Variants in PDE4D observed in about 807,000 individuals in gnomAD.
PDE4D encodes the protein 3',5'-cyclic-AMP phosphodiesterase 4D.
A neutral mutation model predicts 87.4 loss-of-function variants in PDE4D; 24 were observed. The observed-to-expected ratio is 0.27, with a 90% CI of 0.20 to 0.39. The LOEUF is 0.39. Ranked by LOEUF, PDE4D falls within the 10% of genes least tolerant of loss-of-function variation. The probability of loss-of-function intolerance (pLI) is 1.00; values close to 1 mark genes in which losing one functional copy is unlikely to be tolerated. For synonymous variants in PDE4D, 384 were observed against 383.2 expected, an observed-to-expected ratio of 1.00 and a Z score of -0.02; for missense variants, 714 against 1,041.0, an observed-to-expected ratio of 0.69 and a Z score of 4.32.
At chr5:59,549,299 G>A (rs953409240) in intron 1 of PDE4D, among the ~76,000 whole-genome samples, 1 of 152,146 alleles carries the variant, frequency 6.6e-6, no homozygotes, top group Non-Finnish European at 1.5e-5. Context: ...AACTGAGTGT[G>A]TTTTTCATTC....
chr5:60,330,944 T>A (rs1757264670), intron 1 of PDE4D, among the ~76,000 whole-genome samples: 1 of 152,128 alleles, frequency 6.6e-6, no homozygotes, highest in Non-Finnish European at 1.5e-5. Context: ...GACATGAAAT[T>A]CCTCACCTAC....
intron 2 of PDE4D, among the ~76,000 whole-genome samples, chr5:60,015,684 A>G (rs1467544052): frequency 6.6e-6 from 1 of 152,186 alleles, no homozygotes; most frequent in Non-Finnish European, 1.5e-5. Flanking sequence ...AGTACCCTCC[A>G]TAATGTGGAT....
intron 2 of PDE4D, among the ~76,000 whole-genome samples, chr5:60,037,239 T>C (rs569725566): frequency 2.0e-5 from 3 of 152,190 alleles, no homozygotes; most frequent in Admixed American, 6.5e-5. Context: ...CAATACAATA[T>C]GTTAAAATGC....
intron 2 of PDE4D, among the ~76,000 whole-genome samples, chr5:60,157,875 TCCTTTC>T (rs1782122636): frequency 6.8e-6 from 1 of 147,798 alleles, no homozygotes; most frequent in Non-Finnish European, 1.5e-5. Flanking sequence ...TTTTTTCTTT[TCCTTTC>T]CCTTTCTTTC....
intron 1 of PDE4D, among the ~76,000 whole-genome samples, chr5:59,816,989 G>A (rs1769047017): frequency 6.6e-6 from 1 of 152,192 alleles, no homozygotes. Context: ...GTGGAGGGCA[G>A]TGTCCTCTCA....
intron 2 of PDE4D, among the ~76,000 whole-genome samples, chr5:60,010,557 C>T (rs1043310487): frequency 4.6e-5 from 7 of 152,132 alleles, no homozygotes; most frequent in African/African-American, 1.7e-4. Flanking sequence ...CACATGACAT[C>T]TGTGTACCCC....
chr5:59,089,922 A>G (rs1460882448), intron 5 of PDE4D, among the ~76,000 whole-genome samples: 2 of 152,126 alleles, frequency 1.3e-5, no homozygotes, highest in African/African-American at 4.8e-5. Flanking sequence ...GAGAGGAAAC[A>G]CTAGCACTAA....
At chr5:59,984,795 A>G (rs991256123) in intron 3 of PDE4D, among the ~76,000 whole-genome samples, 7 of 152,148 alleles carry the variant, frequency 4.6e-5, no homozygotes, top group Admixed American at 1.3e-4. Context: ...CCACTGCCTG[A>G]CACTTGACAA....
intron 1 of PDE4D, among the ~76,000 whole-genome samples, chr5:59,313,764 A>G (rs1003159973): frequency 6.6e-6 from 1 of 152,152 alleles, no homozygotes; most frequent in African/African-American, 2.4e-5. Context: ...CAACTTGTGT[A>G]CCCACCCAGG....
intron 1 of PDE4D, among the ~76,000 whole-genome samples, chr5:59,294,749 T>C (rs1768730227): frequency 6.6e-6 from 1 of 152,226 alleles, no homozygotes; most frequent in Admixed American, 6.5e-5. Context: ...ATTAGGATTC[T>C]GGAATGAATA....
chr5:60,220,488 A>G (rs1744373172), intron 1 of PDE4D, among the ~76,000 whole-genome samples: 1 of 152,142 alleles, frequency 6.6e-6, no homozygotes, highest in Non-Finnish European at 1.5e-5. Context: ...TTCTTCACCC[A>G]ACTATCCTGA....
At chr5:60,183,073 G>A (rs1190747452) in intron 2 of PDE4D, among the ~76,000 whole-genome samples, 2 of 152,090 alleles carry the variant, frequency 1.3e-5, no homozygotes, top group Non-Finnish European at 2.9e-5. Flanking sequence ...AAAAGAAGCA[G>A]CAGCAGAGAT....
intron 1 of PDE4D, among the ~76,000 whole-genome samples, chr5:59,232,418 T>C (rs1008949211): frequency 6.6e-6 from 1 of 151,184 alleles, no homozygotes; most frequent in African/African-American, 2.4e-5. Flanking sequence ...CCAACAGGTA[T>C]GTAAAAAGTA....
At chr5:60,227,888 T>C (rs940969485) in intron 1 of PDE4D, among the ~76,000 whole-genome samples, 2 of 152,084 alleles carry the variant, frequency 1.3e-5, no homozygotes, top group East Asian at 3.9e-4. Flanking sequence ...CTGGCTCCCA[T>C]TTTTTCATTG....
chr5:60,425,894 A>T (rs571017486), intron 1 of PDE4D, among the ~76,000 whole-genome samples: 1 of 152,364 alleles, frequency 6.6e-6, no homozygotes, highest in East Asian at 1.9e-4. Flanking sequence ...GACACTTCTC[A>T]AAAGAAGACA....
chr5:59,159,388 C>T (rs1268158425), intron 5 of PDE4D, among the ~76,000 whole-genome samples: 3 of 152,122 alleles, frequency 2.0e-5, no homozygotes, highest in Admixed American at 2.0e-4. Context: ...CTGCCTCAGC[C>T]TCCCAAAGTG....
intron 1 of PDE4D, among the ~76,000 whole-genome samples, chr5:60,374,138 T>G (rs1053517668): frequency 1.3e-5 from 2 of 152,208 alleles, no homozygotes; most frequent in Non-Finnish European, 2.9e-5. Flanking sequence ...GATTGCTGAT[T>G]TATCCAATAG....
intron 1 of PDE4D, among the ~76,000 whole-genome samples, chr5:59,830,270 C>T (rs1177030309): frequency 2.6e-5 from 4 of 151,976 alleles, no homozygotes; most frequent in African/African-American, 7.2e-5. Flanking sequence ...TTAGCTGCCT[C>T]GCTCTTTACC....
chr5:59,046,670 C>CTTGTT (rs1432131257), intron 5 of PDE4D, among the ~76,000 whole-genome samples: 7 of 152,096 alleles, frequency 4.6e-5, no homozygotes, highest in African/African-American at 1.2e-4. Context: ...AAAATCCCGA[C>CTTGTT]TTGTTTTGTT....
Sources: allele counts gnomAD v4.1 joint callset (sites outside exome capture counted in the v4.1 genomes callset), GRCh38; gene constraint gnomAD v4.1.1; transcripts MANE v1.5; gene names NCBI Gene and HGNC (gene_info 2026-07-23, HGNC 2026-07-21).